RGS5: variants seen among roughly 807,000 people sequenced by gnomAD.
RGS5 encodes regulator of G protein signaling 5, also known as regulator of G-protein signalling 5.
RGS5 carries 20 observed loss-of-function variants against 18.9 expected under a neutral mutation model. The ratio of observed to expected loss-of-function variants is 1.06; its 90% CI spans 0.74 to 1.54. RGS5 has a LOEUF of 1.54. RGS5 is among the 40% of genes most tolerant of loss of function. The pLI is 0.00. For synonymous variants in RGS5, 57 were observed against 76.2 expected, an observed-to-expected ratio of 0.75 and a Z score of 1.31; for missense variants, 201 against 211.8, an observed-to-expected ratio of 0.95 and a Z score of 0.32.
chr1:163,202,874 T>C lies in RGS5; in HGVS notation c.-39A>G. 1.2e-6 allele frequency: 2 copies of C among 1,602,602 alleles called. No homozygotes were observed. Among genetic ancestry groups the C allele is most frequent in the Non-Finnish European group, 1.7e-6 (2 of 1,170,306 alleles). ...TTAGCTCCTCCGCTTTAAGTACAACTTCTTAACAGCAGAGCCAGTCTTTGA... is the reference window on the plus strand; with the variant it reads ...TTAGCTCCTCCGCTTTAAGTACAACCTCTTAACAGCAGAGCCAGTCTTTGA... On this transcript the variant is annotated 5_prime_UTR_variant, in exon 1 of 5. Transcript: ENST00000313961.
chr1:163,168,981 T>G (rs931970995), intron 1 of RGS5, among the ~76,000 whole-genome samples: 9 of 151,904 alleles, frequency 5.9e-5, no homozygotes, highest in Non-Finnish European at 1.3e-4. Flanking sequence ...CATTTAGCAT[T>G]AGGTATATCT....
At chr1:163,279,220 C>T (rs1648931442) in intron 2 of RGS5, among the ~76,000 whole-genome samples, 2 of 152,096 alleles carry the variant, frequency 1.3e-5, no homozygotes, top group Non-Finnish European at 2.9e-5. Context: ...GCAGAATACA[C>T]ATCCTTCTCA....
intron 2 of RGS5, among the ~76,000 whole-genome samples, chr1:163,223,851 G>C (rs776960651): frequency 4.6e-5 from 7 of 152,172 alleles, no homozygotes; most frequent in African/African-American, 1.2e-4. Flanking sequence ...CAAATTTGCT[G>C]AGATTGAAGT....
intron 2 of RGS5, among the ~76,000 whole-genome samples, chr1:163,234,558 A>G (rs1477452581): frequency 1.3e-5 from 2 of 152,058 alleles, no homozygotes; most frequent in Non-Finnish European, 2.9e-5. Flanking sequence ...TTCCTCTTTT[A>G]TTTTAGGGAG....
intron 2 of RGS5, among the ~76,000 whole-genome samples, chr1:163,279,643 GAAGAA>G (rs1415469706): frequency 6.6e-6 from 1 of 151,784 alleles, no homozygotes; most frequent in Non-Finnish European, 1.5e-5. Context: ...AAAATTTGTA[GAAGAA>G]AAGAAATAGT....
intron 1 of RGS5, chr1:163,172,574 T>A: frequency 6.5e-7 from 1 of 1,550,018 alleles, no homozygotes; most frequent in Non-Finnish European, 8.7e-7. Context: ...ATCAGGTTAC[T>A]CTTTTCCTCA....
At chr1:163,230,184 A>C (rs1647440742) in intron 2 of RGS5, among the ~76,000 whole-genome samples, 1 of 152,198 alleles carries the variant, frequency 6.6e-6, no homozygotes, top group Non-Finnish European at 1.5e-5. Flanking sequence ...AAAATTCAAA[A>C]TTTTGATCTG....
intron 1 of RGS5, among the ~76,000 whole-genome samples, chr1:163,316,498 C>T (rs1010435511): frequency 3.3e-5 from 5 of 151,604 alleles, no homozygotes; most frequent in South Asian, 2.1e-4. Context: ...CAATCAATAA[C>T]GTAATGTGGT....
intron 2 of RGS5, among the ~76,000 whole-genome samples, chr1:163,298,192 T>C (rs1649469299): frequency 6.6e-6 from 1 of 152,166 alleles, no homozygotes; most frequent in South Asian, 2.1e-4. Context: ...TATATGTGCA[T>C]ATCACTTCAT....
intron 1 of RGS5, among the ~76,000 whole-genome samples, chr1:163,309,499 T>A (rs1468738903): frequency 4.8e-5 from 1 of 20,834 alleles, no homozygotes; most frequent in South Asian, 1.7e-3. Flanking sequence ...TAAGGAAACC[T>A]TTTTTTTTTT....
At position 163,284,565 on chromosome 1, in the gene RGS5, T is replaced by C. The variant is rs565770003; in HGVS notation, c.-281+21668A>G. Among the ~76,000 whole-genome samples the C allele has an allele frequency of 7.9e-5, 12 of 152,312 alleles. No individual in the cohort carries two copies. In the South Asian group the frequency reaches 2.5e-3, roughly 32 times the overall value. On this transcript the variant is annotated intron_variant, in intron 2 of 5. Coordinates refer to the RGS5 transcript ENST00000618415. Reference sequence around the variant, plus strand: ...GTCTTGGTTTCTTTCTCTCAGACCCTTTATGGACTGCTACTATGTTCTCAT... The same window carrying C: ...GTCTTGGTTTCTTTCTCTCAGACCCCTTATGGACTGCTACTATGTTCTCAT...
chr1:163,252,997 T>G (rs894634726), intron 2 of RGS5, among the ~76,000 whole-genome samples: 4 of 152,318 alleles, frequency 2.6e-5, no homozygotes, highest in Admixed American at 1.3e-4. Context: ...GATGGGAATC[T>G]CATCTGTGAT....
At chr1:163,217,445 C>T in intron 1 of RGS5, 1 of 1,386,382 alleles carries the variant, frequency 7.2e-7, no homozygotes, top group Non-Finnish European at 9.4e-7. Flanking sequence ...GGCATCCTTC[C>T]ACAAAATAAC....
chr1:163,231,073 C>A (rs916522550), intron 2 of RGS5, among the ~76,000 whole-genome samples: 48 of 152,116 alleles, frequency 3.2e-4, no homozygotes, highest in African/African-American at 1.2e-3. Flanking sequence ...AGAGCGGAGG[C>A]GGAGTGAGAG....
At chr1:163,151,312 G>T (rs1027274244) in intron 4 of RGS5, among the ~76,000 whole-genome samples, 9 of 152,080 alleles carry the variant, frequency 5.9e-5, no homozygotes, top group African/African-American at 2.2e-4. Context: ...AAAAGTCCAA[G>T]TGGGGAAATA....
At chr1:163,171,770 T>A (rs1377803639) in intron 1 of RGS5, among the ~76,000 whole-genome samples, 1 of 152,240 alleles carries the variant, frequency 6.6e-6, no homozygotes, top group African/African-American at 2.4e-5. Flanking sequence ...ATTGGTCATG[T>A]TTACTGTGTC....
At chr1:163,184,056 A>C (rs534729976) in intron 1 of RGS5, among the ~76,000 whole-genome samples, 1 of 152,270 alleles carries the variant, frequency 6.6e-6, no homozygotes, top group Admixed American at 6.5e-5. Flanking sequence ...TTGCACGTTG[A>C]GGACTAAAGA....
intron 2 of RGS5, among the ~76,000 whole-genome samples, chr1:163,278,895 G>A (rs1648925152): frequency 6.6e-6 from 1 of 151,962 alleles, no homozygotes; most frequent in Admixed American, 6.6e-5. Flanking sequence ...ACCCAGGAGT[G>A]GCCATACTTA....
intron 1 of RGS5, among the ~76,000 whole-genome samples, chr1:163,316,819 A>G (rs1014964070): frequency 2.6e-5 from 4 of 152,178 alleles, no homozygotes; most frequent in Non-Finnish European, 4.4e-5. Flanking sequence ...CTGACCTGCT[A>G]GTTTCCCTCC....
Sources: allele counts gnomAD v4.1 joint callset (sites outside exome capture counted in the v4.1 genomes callset), GRCh38; gene constraint gnomAD v4.1.1; transcripts MANE v1.5; gene names NCBI Gene and HGNC (gene_info 2026-07-23, HGNC 2026-07-21).